The following GRIA4 variants were observed in gnomAD, a reference collection of about 807,000 sequenced individuals.
GRIA4 encodes glutamate ionotropic receptor AMPA type subunit 4.
GRIA4 carries 34 observed loss-of-function variants against 104.0 expected under a neutral mutation model. The observed-to-expected ratio is 0.33, with a 90% CI of 0.25 to 0.44. The LOEUF is 0.44. GRIA4 is among the 20% of genes least tolerant of loss of function. The pLI is 1.00. For synonymous variants in GRIA4, 386 were observed against 381.9 expected, an observed-to-expected ratio of 1.01 and a Z score of -0.13; for missense variants, 750 against 1,096.5, an observed-to-expected ratio of 0.68 and a Z score of 4.46.
intron 4 of GRIA4, among the ~76,000 whole-genome samples, chr11:105,783,201 T>C (rs928555562): frequency 6.6e-6 from 1 of 152,158 alleles, no homozygotes; most frequent in Non-Finnish European, 1.5e-5. Context: ...TCCCCAAACA[T>C]ATAACTGTCA....
At chr11:105,830,143 T>G (rs1242034937) in intron 4 of GRIA4, among the ~76,000 whole-genome samples, 1 of 151,998 alleles carries the variant, frequency 6.6e-6, no homozygotes, top group Non-Finnish European at 1.5e-5. Context: ...TACGCCATTC[T>G]GTATGCTGAA....
intron 4 of GRIA4, among the ~76,000 whole-genome samples, chr11:105,806,364 C>A (rs1942954045): frequency 6.6e-6 from 1 of 151,760 alleles, no homozygotes; most frequent in South Asian, 2.1e-4. Context: ...GGAGAACAAA[C>A]AATTCAAATC....
At chr11:105,698,502 C>T (rs1485147177) in intron 3 of GRIA4, among the ~76,000 whole-genome samples, 4 of 152,130 alleles carry the variant, frequency 2.6e-5, no homozygotes, top group Admixed American at 2.0e-4. Flanking sequence ...CATTGGCACT[C>T]GGAGTTGAAT....
At chr11:105,971,771 T>C in intron 14 of GRIA4, 143 bp from the exon 15 acceptor site, 1 of 493,880 alleles carries the variant, frequency 2.0e-6, no homozygotes, top group Middle Eastern at 6.1e-4. Flanking sequence ...TTATGTCTGA[T>C]TCTAAACCTG....
At chr11:105,616,103 AAAT>A (rs1950592733) in intron 3 of GRIA4, among the ~76,000 whole-genome samples, 1 of 151,780 alleles carries the variant, frequency 6.6e-6, no homozygotes, top group African/African-American at 2.4e-5. Context: ...CGTCTTGGTG[AAAT>A]AATAATAGAA....
intron 3 of GRIA4, among the ~76,000 whole-genome samples, chr11:105,732,403 G>A (rs1938655533): frequency 6.6e-6 from 1 of 152,120 alleles, no homozygotes; most frequent in Non-Finnish European, 1.5e-5. Flanking sequence ...GTTTATATTA[G>A]CAGCCGTGTG....
intron 6 of GRIA4, 67 bp downstream of exon 6, chr11:105,887,639 C>T: frequency 1.3e-6 from 1 of 764,330 alleles, no homozygotes; most frequent in South Asian, 1.5e-5. Flanking sequence ...TTTAACTGTG[C>T]CTTAAATAAT....
intron 14 of GRIA4, among the ~76,000 whole-genome samples, chr11:105,937,160 C>T (rs17391295): frequency 0.085 from 12,953 of 151,952 alleles, 741 homozygotes; most frequent in Admixed American, 0.18. Flanking sequence ...GAGAAATGTC[C>T]AAAGATTGTT....
intron 14 of GRIA4, among the ~76,000 whole-genome samples, chr11:105,963,657 A>T (rs1323403126): frequency 6.6e-6 from 1 of 152,150 alleles, no homozygotes; most frequent in African/African-American, 2.4e-5. Context: ...TATGGATAGC[A>T]GTGTGAAACT....
At chr11:105,912,056 G>T in intron 10 of GRIA4, 3 of 1,129,834 alleles carry the variant, frequency 2.7e-6, no homozygotes, top group South Asian at 7.4e-5. Flanking sequence ...AAAATTTTAA[G>T]TTCTGTGACT....
intron 5 of GRIA4, among the ~76,000 whole-genome samples, chr11:105,877,073 A>C (rs571478903): frequency 6.6e-6 from 1 of 152,140 alleles, no homozygotes; most frequent in East Asian, 1.9e-4. Flanking sequence ...TTCCATATTT[A>C]GTGCTTCAGC....
intron 14 of GRIA4, among the ~76,000 whole-genome samples, chr11:105,961,634 G>A (rs371953240): frequency 3.9e-5 from 6 of 152,112 alleles, no homozygotes; most frequent in East Asian, 3.8e-4. Context: ...TTCAGCATCC[G>A]TAATCTGAAA....
chr11:105,637,755 A>G (rs1403000613), intron 3 of GRIA4, among the ~76,000 whole-genome samples: 1 of 152,096 alleles, frequency 6.6e-6, no homozygotes, highest in Non-Finnish European at 1.5e-5. Context: ...ATTTTTAATA[A>G]CTCATATTCG....
At chr11:105,834,351 T>C (rs2135940938) in intron 4 of GRIA4, among the ~76,000 whole-genome samples, 1 of 152,188 alleles carries the variant, frequency 6.6e-6, no homozygotes, top group South Asian at 2.1e-4. Context: ...TTTAAGGACA[T>C]ATAGGACTTG....
At chr11:105,671,873 C>G (rs1399748317) in intron 3 of GRIA4, among the ~76,000 whole-genome samples, 1 of 151,770 alleles carries the variant, frequency 6.6e-6, no homozygotes, top group Non-Finnish European at 1.5e-5. Context: ...CTCCACTCAC[C>G]CCATGTGCTG....
intron 14 of GRIA4, among the ~76,000 whole-genome samples, chr11:105,955,541 G>A (rs552344368): frequency 6.6e-6 from 1 of 152,148 alleles, no homozygotes; most frequent in South Asian, 2.1e-4. Context: ...CATATTGGTC[G>A]GTTCCATGTC....
At chr11:105,704,183 T>A (rs946893194) in intron 3 of GRIA4, among the ~76,000 whole-genome samples, 1 of 152,004 alleles carries the variant, frequency 6.6e-6, no homozygotes, top group African/African-American at 2.4e-5. Flanking sequence ...ATTAGTCAAC[T>A]TAAAACATCA....
At chr11:105,935,546 G>A (rs143497235) in intron 14 of GRIA4, among the ~76,000 whole-genome samples, 38 of 152,272 alleles carry the variant, frequency 2.5e-4, no homozygotes, top group Middle Eastern at 3.4e-3. Flanking sequence ...TGTTGAAGGC[G>A]TGGTTTTTGA....
At chr11:105,657,808 C>A (rs1485439845) in intron 3 of GRIA4, among the ~76,000 whole-genome samples, 1 of 151,598 alleles carries the variant, frequency 6.6e-6, no homozygotes, top group Non-Finnish European at 1.5e-5. Context: ...TAGAGGAACT[C>A]ATGTAATATA....
Sources: allele counts gnomAD v4.1 joint callset (sites outside exome capture counted in the v4.1 genomes callset), GRCh38; gene constraint gnomAD v4.1.1; transcripts MANE v1.5; gene names NCBI Gene and HGNC (gene_info 2026-07-23, HGNC 2026-07-21).